SPRY3: variants seen among roughly 807,000 people sequenced by gnomAD.
SPRY3 encodes protein sprouty homolog 3.
SPRY3 carries 15 observed loss-of-function variants against 20.2 expected under a neutral mutation model. That is an observed-to-expected ratio of 0.74 (90% CI 0.50 to 1.14). The LOEUF (loss-of-function observed/expected upper bound fraction) is 1.14. Ranked by LOEUF, SPRY3 falls within the 50% of genes most tolerant of loss-of-function variation. SPRY3 has a pLI of 0.00. For missense variants in SPRY3, 364 were observed against 363.9 expected (o/e 1.00, Z 0.00); for synonymous variants, 143 against 136.5 (o/e 1.05, Z -0.33).
At chrX:155,720,273 C>T (rs2091048477) in intron 2 of SPRY3, among the ~76,000 whole-genome samples, 1 of 152,092 alleles carries the variant, frequency 6.6e-6, no homozygotes, top group South Asian at 2.1e-4. Flanking sequence ...ACAGCTCAGT[C>T]GCAGTACAAT....
Position 155,664,753 on chromosome X carries a change from G to T in SPRY3, c.-282+7728G>T, listed in dbSNP as rs188239601. On this transcript the variant is annotated intron_variant, in intron 2 of 3. Transcript: ENST00000675360. ...TTTAAACCCTAAGTAAAAATAATAA[G>T]AAGAGTAGAATACATATGTTTGTGG... Among the ~76,000 whole-genome samples the T allele has an allele frequency of 3.6e-3, 393 of 109,238 alleles. 1 individual carries two copies. Among genetic ancestry groups the T allele is most frequent in the African/African-American group, 0.012 (360 of 30,195 alleles). The allele number at this position is 109,238 out of a possible 115,157, so 94.9% of individuals were successfully genotyped here.
exon 4 of SPRY3, chrX:155,775,335 T>C (rs972846184): frequency 1.8e-5 from 3 of 169,130 alleles, no homozygotes; most frequent in African/African-American, 7.2e-5. Flanking sequence ...CTCCCCTCCT[T>C]CTTTTTCAGA....
At chrX:155,774,837 A>G (rs1411704877) in exon 4 of SPRY3, 1 of 1,354,616 alleles carries the variant, frequency 7.4e-7, no homozygotes, top group Non-Finnish European at 1.0e-6. Context: ...TAAACTAGCC[A>G]AAGTTAGGGC....
chrX:155,618,742 G>A (rs782022491), intron 1 of SPRY3, among the ~76,000 whole-genome samples: 1 of 111,318 alleles, frequency 9.0e-6, no homozygotes, highest in Admixed American at 9.6e-5. Context: ...TATTCTGACA[G>A]GTCTGTGGTG....
intron 2 of SPRY3, among the ~76,000 whole-genome samples, chrX:155,706,766 C>T (rs1331032215): frequency 1.3e-5 from 2 of 150,782 alleles, no homozygotes; most frequent in African/African-American, 2.4e-5. Context: ...CCCTGGGAGG[C>T]GCGAACTACA....
intron 2 of SPRY3, among the ~76,000 whole-genome samples, chrX:155,755,883 G>A (rs1050254627): frequency 6.6e-6 from 1 of 151,994 alleles, no homozygotes; most frequent in Non-Finnish European, 1.5e-5. Flanking sequence ...ATAGAAAGGA[G>A]AAGAAAGTTA....
chrX:155,776,168 C>A (rs189966262), exon 4 of SPRY3: 1 of 167,074 alleles, frequency 6.0e-6, no homozygotes, highest in African/African-American at 2.4e-5. Flanking sequence ...GTGTGGTGGT[C>A]TTTCTCCAGT....
chrX:155,624,723 T>G (rs2067882767), intron 1 of SPRY3, among the ~76,000 whole-genome samples: 1 of 111,893 alleles, frequency 8.9e-6, no homozygotes, highest in Admixed American at 9.5e-5. Context: ...AGCAAATAAA[T>G]TTTAATGAAG....
intron 1 of SPRY3, among the ~76,000 whole-genome samples, chrX:155,631,375 T>C (rs2067906020): frequency 8.9e-6 from 1 of 112,527 alleles, no homozygotes; most frequent in Admixed American, 9.4e-5. Flanking sequence ...ATTCCATGTC[T>C]TGGCTATTGT....
intron 2 of SPRY3, among the ~76,000 whole-genome samples, chrX:155,704,702 C>G (rs1188260238): frequency 6.6e-6 from 1 of 151,178 alleles, no homozygotes; most frequent in East Asian, 1.9e-4. Context: ...TTTTAAAAAC[C>G]AAACAAATTA....
At chrX:155,617,382 G>A (rs979201121) in intron 1 of SPRY3, among the ~76,000 whole-genome samples, 9 of 110,690 alleles carry the variant, frequency 8.1e-5, no homozygotes, top group Admixed American at 2.9e-4. Context: ...TCATAAAACT[G>A]CATAAAATAT....
chrX:155,715,124 C>T (rs1222972227), intron 2 of SPRY3, among the ~76,000 whole-genome samples: 24 of 152,064 alleles, frequency 1.6e-4, no homozygotes. Flanking sequence ...TTTACTTTTT[C>T]CTCTGCTTTT....
intron 1 of SPRY3, among the ~76,000 whole-genome samples, chrX:155,655,098 T>G (rs1408311344): frequency 9.0e-6 from 1 of 111,713 alleles, no homozygotes; most frequent in Admixed American, 9.5e-5. Flanking sequence ...GGTTTTAATT[T>G]GCATTTCTCT....
intron 2 of SPRY3, among the ~76,000 whole-genome samples, chrX:155,711,918 T>C (rs1367003195): frequency 5.3e-5 from 8 of 151,694 alleles, no homozygotes; most frequent in Admixed American, 5.3e-4. Context: ...ATCATTTCTT[T>C]CAAAAACTTT....
At chrX:155,615,737 A>G (rs1231784310) in intron 1 of SPRY3, among the ~76,000 whole-genome samples, 1 of 111,753 alleles carries the variant, frequency 8.9e-6, no homozygotes, top group Non-Finnish European at 1.9e-5. Flanking sequence ...TGAAGGGTAT[A>G]TTAATTTGTG....
chrX:155,651,243 T>C (rs946685365), intron 1 of SPRY3, among the ~76,000 whole-genome samples: 16 of 110,636 alleles, frequency 1.4e-4, no homozygotes, highest in African/African-American at 4.3e-4. Context: ...AATTTTTGTA[T>C]TTTTAGTAGA....
rs181792365 is a variant in SPRY3 at position 155,620,581 on chromosome X, G to A, written c.-441+7934G>A. ...TCAGCTAAAGAAGCTAGACACAAAA[G>A]AATACATACTGTATGACAATTTATA... On this transcript the variant is annotated intron_variant, in intron 1 of 3. Coordinates refer to ENST00000675360, the Ensembl canonical transcript of SPRY3. Among the ~76,000 whole-genome samples the A allele has an allele frequency of 6.9e-3, 776 of 111,687 alleles. 6 individuals are homozygous for A. Among genetic ancestry groups the A allele is most frequent in the African/African-American group, 0.024 (735 of 30,799 alleles).
At chrX:155,636,518 G>A (rs1190148602) in intron 1 of SPRY3, among the ~76,000 whole-genome samples, 2 of 110,468 alleles carry the variant, frequency 1.8e-5, no homozygotes, top group African/African-American at 3.3e-5. Flanking sequence ...ACCATATGGT[G>A]TATATGTAGC....
chrX:155,651,868 A>G (rs782232674), intron 1 of SPRY3, among the ~76,000 whole-genome samples: 2 of 111,877 alleles, frequency 1.8e-5, no homozygotes, highest in South Asian at 7.5e-4. Context: ...TCGCATTGTT[A>G]TAAAGAACTA....
Sources: gnomAD v4.1 joint callset for allele counts (sites outside exome capture counted in the v4.1 genomes callset) on GRCh38, gnomAD v4.1.1 for gene constraint, MANE v1.5 for transcripts, NCBI Gene and HGNC (gene_info 2026-07-23, HGNC 2026-07-21) for gene names.